PCNX2: variants seen among roughly 807,000 people sequenced by gnomAD.
PCNX2 encodes pecanex-like protein 2.
A neutral mutation model predicts 223.8 loss-of-function variants in PCNX2; 168 were observed. The observed-to-expected ratio is 0.75, with a 90% CI of 0.66 to 0.85. The LOEUF is 0.85. PCNX2 is among the 40% of genes least tolerant of loss of function. The pLI is 0.00. For synonymous variants in PCNX2, 1,006 were observed against 1,052.6 expected (o/e 0.96, Z 0.86); for missense variants, 2,507 against 2,675.5 (o/e 0.94, Z 1.39).
intron 32 of PCNX2, among the ~76,000 whole-genome samples, chr1:232,996,418 A>T (rs939935371): frequency 2.0e-5 from 3 of 152,162 alleles, no homozygotes; most frequent in Non-Finnish European, 4.4e-5. Context: ...TTCATGTGAT[A>T]AGAAATGTTA....
At chr1:233,292,779 A>G (rs961068515) in intron 1 of PCNX2, among the ~76,000 whole-genome samples, 3 of 152,198 alleles carry the variant, frequency 2.0e-5, no homozygotes, top group Admixed American at 1.3e-4. Flanking sequence ...AAACCAGAAG[A>G]CCAAAGCAAG....
Position 233,063,979 on chromosome 1 carries a change from C to CT in PCNX2, c.4077-6690dup, listed in dbSNP as rs565830950. The stretch of plus-strand genomic sequence containing the variant: ...TTATAAGCCATTTGTTCCAATTTGT[C>CT]TTTTTTTTCATAACATCTTGGCCTT... On this transcript the variant is annotated intron_variant, in intron 23 of 33. Transcript: ENST00000258229. 1.9e-3 allele frequency among the ~76,000 whole-genome samples: 282 copies of CT among 151,796 alleles called. 1 individual carries two copies. Among genetic ancestry groups the CT allele is most frequent in the Non-Finnish European group, 2.3e-3 (159 of 67,898 alleles).
At chr1:233,100,791 G>A (rs1260558539) in intron 21 of PCNX2, among the ~76,000 whole-genome samples, 1 of 152,130 alleles carries the variant, frequency 6.6e-6, no homozygotes, top group African/African-American at 2.4e-5. Flanking sequence ...TGATTAAAGT[G>A]CAATTTTCTC....
intron 26 of PCNX2, chr1:233,019,223 G>A (rs987867850): frequency 1.0e-6 from 1 of 984,582 alleles, no homozygotes; most frequent in Non-Finnish European, 1.2e-6. Flanking sequence ...TGTGGTTCAT[G>A]GCTGATGCTC....
At chr1:233,184,063 T>C (rs1679959979) in intron 15 of PCNX2, among the ~76,000 whole-genome samples, 1 of 152,254 alleles carries the variant, frequency 6.6e-6, no homozygotes, top group East Asian at 1.9e-4. Context: ...CTAACTTCTA[T>C]TTCTTGTCAT....
At chr1:233,175,940 T>C (rs191042177) in intron 17 of PCNX2, among the ~76,000 whole-genome samples, 14 of 152,328 alleles carry the variant, frequency 9.2e-5, no homozygotes, top group Admixed American at 1.3e-4. Flanking sequence ...GTGAGTCCTG[T>C]ACGTCGTCTT....
intron 21 of PCNX2, among the ~76,000 whole-genome samples, chr1:233,111,693 C>T (rs567975761): frequency 1.3e-5 from 2 of 152,292 alleles, no homozygotes; most frequent in Admixed American, 1.3e-4. Flanking sequence ...TGTGAGCCAC[C>T]ACACTCAGCC....
chr1:233,123,252 T>C (rs1315789744), intron 21 of PCNX2, among the ~76,000 whole-genome samples: 1 of 152,166 alleles, frequency 6.6e-6, no homozygotes, highest in Non-Finnish European at 1.5e-5. Flanking sequence ...TTCATGTCTT[T>C]TCTGTAAATC....
At chr1:233,077,322 C>T (rs1673137041) in intron 23 of PCNX2, among the ~76,000 whole-genome samples, 1 of 152,100 alleles carries the variant, frequency 6.6e-6, no homozygotes, top group Non-Finnish European at 1.5e-5. Context: ...AATCTTGACT[C>T]CAGGAGCACA....
At chr1:233,247,741 G>C (rs1369238094) in intron 8 of PCNX2, among the ~76,000 whole-genome samples, 2 of 152,078 alleles carry the variant, frequency 1.3e-5, no homozygotes, top group Non-Finnish European at 2.9e-5. Flanking sequence ...AGCCAGGCGT[G>C]GGGGCGGGCA....
At chr1:233,047,795 C>G (rs6676475) in intron 25 of PCNX2, among the ~76,000 whole-genome samples, 39,695 of 151,932 alleles carry the variant, frequency 0.26, 6,857 homozygotes, top group African/African-American at 0.49. Context: ...CAGCATTAGA[C>G]AGATCATCGA....
At chr1:233,312,023 A>T in the PCNX2 span, among the ~76,000 whole-genome samples, 2 of 152,084 alleles carry the variant, frequency 1.3e-5, no homozygotes, top group Non-Finnish European at 2.9e-5. Context: ...GCTACTTGAG[A>T]GGCTGAGGCA....
intron 1 of PCNX2, among the ~76,000 whole-genome samples, chr1:233,282,539 CT>C (rs1661245236): frequency 6.6e-6 from 1 of 152,184 alleles, no homozygotes; most frequent in African/African-American, 2.4e-5. Flanking sequence ...TCATACGCCT[CT>C]GGTTCAAACC....
chr1:233,258,760 GT>G lies in PCNX2; in HGVS notation c.1101del (p.Leu368Ter), dbSNP rs1659882242. 1.2e-6 allele frequency: 2 copies of G among 1,613,818 alleles called. No homozygotes were observed. The highest frequency in any genetic ancestry group is 2.2e-5 in the South Asian group (2 of 91,086). The stretch of plus-strand genomic sequence containing the variant: ...ATTTTTATGGGCTCATGTAGACTCA[GT>G]GGGTCTCCGGGTTGAGAAGTATCGA... ...TLIDTSQPGD[P>X]LSLHEPIKIV... On this transcript the variant is annotated frameshift_variant, in exon 5 of 34. Transcript: ENST00000258229. LOFTEE classifies it high-confidence loss of function.
chr1:233,315,336 C>T, the PCNX2 span, among the ~76,000 whole-genome samples: 2 of 152,216 alleles, frequency 1.3e-5, no homozygotes, highest in Non-Finnish European at 2.9e-5. Flanking sequence ...ACATACGCTT[C>T]ATGCATTAAC....
At chr1:233,278,649 T>C (rs1357731435) in intron 1 of PCNX2, among the ~76,000 whole-genome samples, 1 of 152,184 alleles carries the variant, frequency 6.6e-6, no homozygotes, top group African/African-American at 2.4e-5. Flanking sequence ...CGCATGTCTC[T>C]TCCTCAGTGT....
chr1:233,007,036 G>A (rs927156119), intron 28 of PCNX2, among the ~76,000 whole-genome samples: 1 of 151,734 alleles, frequency 6.6e-6, no homozygotes, highest in South Asian at 2.1e-4. Flanking sequence ...CCATGCTCCT[G>A]ACCACACTCT....
At chr1:233,227,864 G>T (rs1160396729) in intron 9 of PCNX2, among the ~76,000 whole-genome samples, 5 of 151,868 alleles carry the variant, frequency 3.3e-5, no homozygotes, top group African/African-American at 1.2e-4. Flanking sequence ...AATATTTATT[G>T]AAAAAATCTA....
intron 21 of PCNX2, among the ~76,000 whole-genome samples, chr1:233,097,653 C>T (rs980986119): frequency 2.6e-5 from 4 of 152,230 alleles, no homozygotes; most frequent in South Asian, 2.1e-4. Flanking sequence ...AAGAACAACC[C>T]GTCACTCTGT....
Sources: gnomAD v4.1 joint callset for allele counts (sites outside exome capture counted in the v4.1 genomes callset) on GRCh38, gnomAD v4.1.1 for gene constraint, MANE v1.5 for transcripts, NCBI Gene and HGNC (gene_info 2026-07-23, HGNC 2026-07-21) for gene names.